CEP120: variants seen among roughly 807,000 people sequenced by gnomAD.
The protein encoded by CEP120 is centrosomal protein of 120 kDa.
In CEP120, 113 loss-of-function variants were observed where a neutral mutation model predicts 126.5. The observed-to-expected ratio is 0.89, with a 90% CI of 0.77 to 1.04. The LOEUF (loss-of-function observed/expected upper bound fraction) is 1.04. Among genes scored for constraint, CEP120 ranks in the 50% least tolerant of loss-of-function variants. The pLI is 0.00. For missense variants in CEP120, 1,230 were observed against 1,155.7 expected, an observed-to-expected ratio of 1.06 and a Z score of -0.93; for synonymous variants, 400 against 394.3, an observed-to-expected ratio of 1.01 and a Z score of -0.17.
chr5:123,374,203 T>G (rs1246170772), intron 16 of CEP120, among the ~76,000 whole-genome samples: 1 of 152,022 alleles, frequency 6.6e-6, no homozygotes, highest in Non-Finnish European at 1.5e-5. Flanking sequence ...TCCTTCATAC[T>G]AATAGGTAAA....
intron 18 of CEP120, among the ~76,000 whole-genome samples, chr5:123,364,070 C>T (rs1160234655): frequency 3.3e-5 from 5 of 151,322 alleles, no homozygotes; most frequent in African/African-American, 1.2e-4. Flanking sequence ...GCAAAAATTC[C>T]CAATAATTCC....
intron 18 of CEP120, among the ~76,000 whole-genome samples, chr5:123,355,047 G>A (rs956253909): frequency 1.4e-5 from 2 of 147,104 alleles, no homozygotes; most frequent in Non-Finnish European, 3.0e-5. Flanking sequence ...TTGGTTTTTT[G>A]TCCTTGCAAT....
chr5:123,394,551 C>T (rs1238075194), intron 5 of CEP120, among the ~76,000 whole-genome samples: 1 of 152,132 alleles, frequency 6.6e-6, no homozygotes, highest in East Asian at 1.9e-4. Context: ...TAACAGGCCA[C>T]AAACCTGTAC....
chr5:123,379,403 C>T (rs1771488296), intron 14 of CEP120, among the ~76,000 whole-genome samples: 1 of 151,964 alleles, frequency 6.6e-6, no homozygotes, highest in African/African-American at 2.4e-5. Context: ...AGAATGAAAA[C>T]CTAATTATTT....
At position 123,374,732 on chromosome 5, in the gene CEP120, T is replaced by C. The variant is rs143019747; in HGVS notation, c.2359-1960A>G. ...TGTCCATATGACAGAAGTTTACCTA[T>C]TTTTTAACATCCAAAGTTGAACAGA... On this transcript the variant is annotated intron_variant, in intron 16 of 19. Transcript: ENST00000306467. Among the ~76,000 whole-genome samples the C allele has an allele frequency of 4.9e-3, 749 of 152,276 alleles. 2 individuals carry two copies. Among genetic ancestry groups the C allele is most frequent in the Admixed American group, 8.6e-3 (131 of 15,294 alleles).
At chr5:123,406,866 CAAT>C in intron 4 of CEP120, among the ~76,000 whole-genome samples, 1 of 151,354 alleles carries the variant, frequency 6.6e-6, no homozygotes, top group East Asian at 1.9e-4. Flanking sequence ...AAAGGTTCTT[CAAT>C]TATTATGTGT....
chr5:123,378,304 C>T (rs368728480), intron 15 of CEP120, 32 bp downstream of exon 15: 11 of 1,530,584 alleles, frequency 7.2e-6, no homozygotes, highest in Non-Finnish European at 9.8e-6. Context: ...CCCCTCTATG[C>T]TGAAAAAAAA....
chr5:123,420,871 G>C (rs1160485181), intron 1 of CEP120, among the ~76,000 whole-genome samples: 1 of 152,196 alleles, frequency 6.6e-6, no homozygotes, highest in East Asian at 1.9e-4. Context: ...TGACCATTTG[G>C]AAGTTAGAAA....
At chr5:123,369,617 A>C (rs1367256143) in intron 17 of CEP120, among the ~76,000 whole-genome samples, 1 of 151,830 alleles carries the variant, frequency 6.6e-6, no homozygotes, top group Non-Finnish European at 1.5e-5. Context: ...CCCAGGACAC[A>C]CCTTCTATAA....
In CEP120 at chr5:123,423,274, C is replaced by CGAG; in HGVS notation, c.-279_-277dup. The CGAG allele has an allele frequency of 2.1e-6, 1 of 474,064 alleles. No homozygotes were observed. The highest frequency in any genetic ancestry group is 3.7e-6 in the Non-Finnish European group (1 of 266,916). The allele number at this position is 474,064 out of a possible 1,614,324, so 29.4% of individuals were successfully genotyped here. On this transcript the variant is annotated 5_prime_UTR_variant, in exon 1 of 20. Coordinates refer to ENST00000306467, the MANE Select transcript of CEP120 (RefSeq NM_001375405.1). ...TGCAAGCAGAGACAAGCCCGCCACCCGAGGACCTTTTGCCGCCTGCGTAGC... is the reference window on the plus strand; with the variant it reads ...TGCAAGCAGAGACAAGCCCGCCACCCGAGGAGGACCTTTTGCCGCCTGCGTAGC...
rs372312375 is a variant in CEP120, at chr5:123,398,282, C to T, written c.612+854G>A. On this transcript the variant is annotated intron_variant, in intron 5 of 19. Coordinates refer to ENST00000306467, the MANE Select transcript of CEP120 (RefSeq NM_001375405.1). Reference sequence around the variant, plus strand: ...GGACTTGAGAGGGACAGTGGAATAACAGCTAGTTTTGTGTTGAGCCGCTGT... The same window carrying T: ...GGACTTGAGAGGGACAGTGGAATAATAGCTAGTTTTGTGTTGAGCCGCTGT... Among the ~76,000 whole-genome samples the T allele has an allele frequency of 2.6e-5, 4 of 152,138 alleles. No homozygotes were observed. In the East Asian group the frequency reaches 7.7e-4, roughly 29 times the overall value.
At chr5:123,352,459 C>A (rs1769258287) in intron 18 of CEP120, among the ~76,000 whole-genome samples, 2 of 151,952 alleles carry the variant, frequency 1.3e-5, no homozygotes, top group South Asian at 4.1e-4. Flanking sequence ...TTGAAAAACA[C>A]CTCTTCTCTT....
chr5:123,401,591 CTGT>C lies in CEP120; in HGVS notation c.464-2310_464-2308del, dbSNP rs987387733. On this transcript the variant is annotated intron_variant, in intron 4 of 19. Coordinates refer to ENST00000306467, the MANE Select transcript of CEP120 (RefSeq NM_001375405.1). ...GACGCTGTTCATGTCCAGGGAGCGG[CTGT>C]TGTCCATGGACAGCACCACAGATGT... The C allele has an allele frequency of 4.3e-6, 6 of 1,411,376 alleles. No individual in the cohort carries two copies. In the Admixed American group the frequency reaches 6.7e-5, roughly 16 times the overall value. The allele number at this position is 1,411,376 out of a possible 1,614,324, so 87.4% of individuals were successfully genotyped here.
intron 17 of CEP120, among the ~76,000 whole-genome samples, chr5:123,367,518 T>C (rs1177091748): frequency 6.6e-6 from 1 of 151,838 alleles, no homozygotes; most frequent in Non-Finnish European, 1.5e-5. Flanking sequence ...GAAATGCATC[T>C]CAGACTTCAG....
At chr5:123,387,664 A>G (rs1475186285) in intron 9 of CEP120, among the ~76,000 whole-genome samples, 1 of 152,114 alleles carries the variant, frequency 6.6e-6, no homozygotes, top group Admixed American at 6.5e-5. Context: ...TGTTAAGTGG[A>G]CTGTAACAAT....
chr5:123,420,115 C>T (rs982526850), intron 1 of CEP120, among the ~76,000 whole-genome samples: 15 of 152,216 alleles, frequency 9.9e-5, no homozygotes, highest in African/African-American at 3.4e-4. Flanking sequence ...TATTAACACA[C>T]ATCGCACAGC....
At chr5:123,415,612 A>G (rs1774333121) in intron 3 of CEP120, among the ~76,000 whole-genome samples, 1 of 152,078 alleles carries the variant, frequency 6.6e-6, no homozygotes, top group Admixed American at 6.5e-5. Flanking sequence ...AGTGGCTCAC[A>G]CCTGTAATCC....
At chr5:123,350,930 G>GT (rs1446219167) in intron 18 of CEP120, among the ~76,000 whole-genome samples, 1 of 152,140 alleles carries the variant, frequency 6.6e-6, no homozygotes, top group East Asian at 1.9e-4. Context: ...AAACAATGCT[G>GT]TAATAGGACA....
At chr5:123,404,741 C>T (rs1002639259) in intron 4 of CEP120, among the ~76,000 whole-genome samples, 13 of 152,076 alleles carry the variant, frequency 8.5e-5, no homozygotes, top group African/African-American at 3.1e-4. Context: ...ATACAAACAC[C>T]GCTATTAACA....
Sources: allele counts gnomAD v4.1 joint callset (sites outside exome capture counted in the v4.1 genomes callset), GRCh38; gene constraint gnomAD v4.1.1; transcripts MANE v1.5; gene names NCBI Gene and HGNC (gene_info 2026-07-23, HGNC 2026-07-21).